Variants in WNK1 observed in about 807,000 individuals in gnomAD.
WNK1 encodes the protein serine/threonine-protein kinase WNK1.
Under a neutral mutation model 222.8 loss-of-function variants are expected in WNK1, and 38 were observed. The ratio of observed to expected loss-of-function variants is 0.17; its 90% CI spans 0.13 to 0.22. WNK1 has a LOEUF of 0.22. Ranked by LOEUF, WNK1 falls within the 10% of genes least tolerant of loss-of-function variation. The pLI, the probability that WNK1 is intolerant of heterozygous loss-of-function variation, is 1.00. For synonymous variants in WNK1, 1,090 were observed against 1,092.9 expected, an observed-to-expected ratio of 1.00 and a Z score of 0.05; for missense variants, 2,348 against 2,918.4, an observed-to-expected ratio of 0.80 and a Z score of 4.50.
chr12:755,072 T>G (rs1939796283), intron 1 of WNK1, among the ~76,000 whole-genome samples: 1 of 151,854 alleles, frequency 6.6e-6, no homozygotes, highest in Non-Finnish European at 1.5e-5. Flanking sequence ...TCCGAAGGAG[T>G]CGCAGCACTT....
chr12:830,192 G>A, intron 4 of WNK1, 32 bp downstream of exon 4: 3 of 1,612,142 alleles, frequency 1.9e-6, no homozygotes, highest in Non-Finnish European at 2.5e-6. Flanking sequence ...TGTTGAACTT[G>A]GGGCATATCT....
chr12:867,891 G>T (rs760693826), intron 8 of WNK1: 1 of 1,613,810 alleles, frequency 6.2e-7, no homozygotes, highest in Non-Finnish European at 8.5e-7. Flanking sequence ...CATCCGTGTG[G>T]GGGGACCCCA....
intron 4 of WNK1, among the ~76,000 whole-genome samples, chr12:833,180 A>ATGCAAGCCTTCTTCATTCCCTCTTC (rs1565493209): frequency 1.3e-5 from 2 of 152,044 alleles, no homozygotes; most frequent in Non-Finnish European, 2.9e-5. Flanking sequence ...AATACCTCTT[A>ATGCAAGCCTTCTTCATTCCCTCTTC]GATGCAAGCC....
In WNK1 at chr12:758,327, G is replaced by A. The variant is rs1044488500; in HGVS notation, c.759+4003G>A. 2.8e-5 allele frequency among the ~76,000 whole-genome samples: 4 copies of A among 140,512 alleles called. 1 individual carries two copies. Among genetic ancestry groups the A allele is most frequent in the Admixed American group, 2.1e-4 (3 of 14,150 alleles). The allele number at this position is 140,512 out of a possible 152,430, so 92.2% of individuals were successfully genotyped here. A position where few individuals can be genotyped will look rare whatever the true frequency, so the allele number is the denominator to read the frequency against. ...TATAGCAGTGTTACAGAAATGGGAT[G>A]TGGTTCTGTGATTAAGAAACCATCA... On this transcript the variant is annotated intron_variant, in intron 1 of 27. Transcript: ENST00000315939.
intron 10 of WNK1, among the ~76,000 whole-genome samples, chr12:879,024 A>G (rs1315592018): frequency 6.6e-6 from 1 of 152,164 alleles, no homozygotes; most frequent in African/African-American, 2.4e-5. Context: ...TGTTAAAATG[A>G]TCAGGTAGTG....
At chr12:809,955 A>G (rs1374242393) in intron 1 of WNK1, among the ~76,000 whole-genome samples, 2 of 152,160 alleles carry the variant, frequency 1.3e-5, no homozygotes, top group Non-Finnish European at 2.9e-5. Context: ...GTATCACTTT[A>G]AAAGATAAAA....
intron 3 of WNK1, among the ~76,000 whole-genome samples, chr12:829,041 C>A (rs1948592698): frequency 6.6e-6 from 1 of 152,138 alleles, no homozygotes; most frequent in Non-Finnish European, 1.5e-5. Context: ...AGCTGAATTT[C>A]TTTTTTTGCC....
intron 4 of WNK1, among the ~76,000 whole-genome samples, chr12:834,757 A>G (rs892280885): frequency 1.3e-5 from 2 of 152,180 alleles, no homozygotes; most frequent in Non-Finnish European, 2.9e-5. Context: ...GTTATTGTCT[A>G]TGAAATATGA....
intron 1 of WNK1, among the ~76,000 whole-genome samples, chr12:766,680 T>C (rs1485857197): frequency 6.6e-6 from 1 of 152,084 alleles, no homozygotes; most frequent in African/African-American, 2.4e-5. Flanking sequence ...GGTTTCACCA[T>C]GTTGGTTGGG....
At chr12:771,064 C>A (rs1942420009) in intron 1 of WNK1, among the ~76,000 whole-genome samples, 1 of 151,984 alleles carries the variant, frequency 6.6e-6, no homozygotes, top group South Asian at 2.1e-4. Flanking sequence ...GTGGTGTGAT[C>A]TCAGCTCACT....
chr12:837,603 GAA>G (rs1185940927), intron 4 of WNK1, among the ~76,000 whole-genome samples: 1 of 148,296 alleles, frequency 6.7e-6, no homozygotes, highest in Non-Finnish European at 1.5e-5. Flanking sequence ...GAAAAGAAAA[GAA>G]AAAAGATAGA....
chr12:868,277 T>C (rs1951849679), intron 8 of WNK1: 1 of 1,603,834 alleles, frequency 6.2e-7, no homozygotes, highest in Non-Finnish European at 8.5e-7. Flanking sequence ...GGAAGCAGTG[T>C]ATGTAGCTGG....
intron 4 of WNK1, among the ~76,000 whole-genome samples, chr12:847,553 A>G (rs982337624): frequency 1.3e-5 from 2 of 152,176 alleles, no homozygotes; most frequent in Admixed American, 6.6e-5. Context: ...TGGAAGTTAA[A>G]TTATGATTTT....
rs1191606586 is a variant in WNK1 at position 753,512 on chromosome 12, C to T, written c.-54C>T. On this transcript the variant is annotated 5_prime_UTR_variant, in exon 1 of 28. It adds an upstream start codon to the 5' untranslated region. Transcript: ENST00000315939. This position sits in a 1 kb window ranked among gnomAD's most constrained non-coding sequence, Gnocchi z 5.2. The stretch of plus-strand genomic sequence containing the variant: ...TCTGCGCGGGCGGCTCGGCCCTTCA[C>T]GCCCTTTTCGTTCACGAATCCGAGC... 5.6e-6 allele frequency: 9 copies of T among 1,608,856 alleles called. No individual in the cohort carries two copies. The highest frequency in any genetic ancestry group is 7.6e-6 in the Non-Finnish European group (9 of 1,179,146).
rs1009916506 is a variant in WNK1 at position 884,271 on chromosome 12, A to C, written c.3844+28A>C. 6.2e-7 allele frequency: 1 copy of C among 1,613,718 alleles called. No individual in the cohort carries two copies. The highest frequency in any genetic ancestry group is 2.2e-5 in the East Asian group (1 of 44,848). ...AAGGGATTGATTCTGCCACATTGTT[A>C]TGTAAATTCTACAGTGCCTCTGCTA... On this transcript the variant is annotated intron_variant, in intron 18 of 27. Transcript: ENST00000315939. The surrounding 1 kb of genome is among the most constrained non-coding windows in gnomAD (Gnocchi z 5.6).
At chr12:875,313 C>A (rs1261865823) in intron 9 of WNK1, among the ~76,000 whole-genome samples, 1 of 152,132 alleles carries the variant, frequency 6.6e-6, no homozygotes, top group Admixed American at 6.5e-5. Context: ...TGTATTCAGA[C>A]CTTTATCGTA....
At position 879,769 on chromosome 12, in the gene WNK1, G is replaced by T. The variant is rs1197415012; in HGVS notation, c.2570G>T (p.Gly857Val). 1 of 1,613,868 alleles carries T rather than the reference G, an allele frequency of 6.2e-7. No homozygotes were observed. The highest frequency in any genetic ancestry group is 8.5e-7 in the Non-Finnish European group (1 of 1,179,984). ...CCTCATGTGTCTACGGCTCAGACAG[G>T]TTTCTCATCCCTTCCCATCACAATG... ...STPHVSTAQT[G>V]FSSLPITMAA... Residue 857 changes from glycine to valine, a missense_variant, in exon 11 of 28, where the codon GGT becomes GTT. Around this residue, in one of 13 missense-constraint regions of WNK1, gnomAD observed 547 missense variants for 558.3 expected, o/e 0.98. Coordinates refer to ENST00000315939, the MANE Select transcript of WNK1 (RefSeq NM_018979.4).
intron 1 of WNK1, among the ~76,000 whole-genome samples, chr12:769,871 C>T (rs534719920): frequency 6.6e-6 from 1 of 152,088 alleles, no homozygotes; most frequent in South Asian, 2.1e-4. Flanking sequence ...GGCTTCAGGG[C>T]AAGAGAGTGT....
At chr12:853,798 G>A (rs941326546) in intron 4 of WNK1, among the ~76,000 whole-genome samples, 15 of 152,012 alleles carry the variant, frequency 9.9e-5, no homozygotes, top group East Asian at 7.8e-4. Flanking sequence ...TCACCCAGGC[G>A]AGAGTGCAGT....
Sources: gnomAD v4.1 joint callset for allele counts (sites outside exome capture counted in the v4.1 genomes callset) on GRCh38, gnomAD v4.1.1 for gene constraint, gnomAD v4.1.1 regional missense constraint, Gnocchi (gnomAD v3.1) non-coding constraint, MANE v1.5 for transcripts, NCBI Gene and HGNC (gene_info 2026-07-23, HGNC 2026-07-21) for gene names.